NUTM1: variants seen among roughly 807,000 people sequenced by gnomAD.
NUTM1 encodes NUT family member 1.
Under a neutral mutation model 88.7 loss-of-function variants are expected in NUTM1, and 39 were observed. The ratio of observed to expected loss-of-function variants is 0.44; its 90% confidence interval spans 0.34 to 0.57. The LOEUF is 0.57. Ranked by LOEUF, NUTM1 falls within the 20% of genes least tolerant of loss-of-function variation. The pLI is 0.01. For missense variants in NUTM1, 1,350 were observed against 1,414.5 expected (o/e 0.95, Z 0.73); for synonymous variants, 494 against 538.0 (o/e 0.92, Z 1.13).
chr15:34,355,990 C>T lies in NUTM1; in HGVS notation c.1982C>T (p.Thr661Ile), dbSNP rs754655873. Residue 661 changes from threonine (T) to isoleucine (I), a missense_variant, in exon 8 of 8, where the codon ACT becomes ATT. Physicochemically the swap from Thr to Ile is moderately conservative, Grantham distance 89. Coordinates refer to ENST00000537011, the MANE Select transcript of NUTM1 (RefSeq NM_001284292.2). The surrounding 1 kb of genome is among the most constrained non-coding windows in gnomAD (Gnocchi z 4.3). ...CAGGGAGGCTTCCAGCCTGAGAGCA[C>T]TCCCAGTTTGGATGCTGGACTTGCA... is the stretch of plus-strand genomic sequence containing the variant. ...CWQGGFQPESTPSLDAGLAEL... is the reference protein window; with the variant it reads ...CWQGGFQPESIPSLDAGLAEL... 2 of 1,614,054 alleles carry T rather than the reference C, an allele frequency of 1.2e-6. No individual in the cohort carries two copies. The highest frequency in any genetic ancestry group is 2.7e-5 in the African/African-American group (2 of 74,928).
chr15:34,347,625 A>G (rs58934096), intron 2 of NUTM1, among the ~76,000 whole-genome samples: 19,611 of 152,082 alleles, frequency 0.13, 1,418 homozygotes, highest in East Asian at 0.33. Flanking sequence ...AGGCCGAAGC[A>G]GGCGGATCAC....
In NUTM1 at chr15:34,353,817, C is replaced by G; in HGVS notation, c.1020C>G (p.Thr340=). 1 of 1,614,128 alleles carries G rather than the reference C, an allele frequency of 6.2e-7. No individual in the cohort carries two copies. Among genetic ancestry groups the G allele is most frequent in the Non-Finnish European group, 8.5e-7 (1 of 1,180,042 alleles). Residue 340 remains threonine (T), a synonymous_variant, in exon 5 of 8, where the codon ACC becomes ACG. Coordinates refer to ENST00000537011, the MANE Select transcript of NUTM1 (RefSeq NM_001284292.2). ...MNGSQGLSPA[T]PLKLDPLGPL... ...GGTCTCAGGGCCTGTCTCCTGCAAC[C>G]CCTTTGAAACTTGATCCTCTAGGGC...
In NUTM1 at chr15:34,355,217, G is replaced by T; in HGVS notation, c.1479+80G>T. 1 of 981,870 alleles carries T rather than the reference G, an allele frequency of 1.0e-6. No individual in the cohort carries two copies. The highest frequency in any genetic ancestry group is 1.6e-6 in the Non-Finnish European group (1 of 618,272). The allele number at this position is 981,870 out of a possible 1,614,324, so 60.8% of individuals were successfully genotyped here. The stretch of plus-strand genomic sequence containing the variant: ...ACCCTACACTGTCGTGGGTGATATG[G>T]CTCTAGAGATGAACAGCTTCAGGAT... On this transcript the variant is annotated intron_variant, in intron 7 of 7. Transcript: ENST00000537011. This position sits in a 1 kb window ranked among gnomAD's most constrained non-coding sequence, Gnocchi z 4.3.
rs1324833347 is a variant in NUTM1 at position 34,355,978 on chromosome 15, A to C, written c.1970A>C (p.Gln657Pro). 4.3e-6 allele frequency: 7 copies of C among 1,614,056 alleles called. No individual in the cohort carries two copies. Among genetic ancestry groups the C allele is most frequent in the Non-Finnish European group, 5.9e-6 (7 of 1,180,024 alleles). Residue 657 changes from glutamine (Q) to proline (P), a missense_variant, in exon 8 of 8, where the codon CAG becomes CCG. By Grantham distance (76) the Gln-to-Pro change is moderately conservative. Coordinates refer to ENST00000537011, the MANE Select transcript of NUTM1 (RefSeq NM_001284292.2). The surrounding 1 kb of genome is among the most constrained non-coding windows in gnomAD (Gnocchi z 4.3). ...ALPLCWQGGFQPESTPSLDAG... is the reference protein window; with the variant it reads ...ALPLCWQGGFPPESTPSLDAG... ...CCCCTTTGTTGGCAGGGAGGCTTCC[A>C]GCCTGAGAGCACTCCCAGTTTGGAT...
In NUTM1 at chr15:34,348,652, A is replaced by G. The variant is rs773809319; in HGVS notation, c.784A>G (p.Thr262Ala). The G allele has an allele frequency of 1.2e-6, 2 of 1,606,218 alleles. No individual in the cohort carries two copies. The highest frequency in any genetic ancestry group is 3.3e-5 in the Admixed American group (2 of 60,000). Residue 262 changes from threonine to alanine, a missense_variant, in exon 3 of 8, where the codon ACA becomes GCA. By Grantham distance (58) the Thr-to-Ala change is moderately conservative. This residue lies in a region of NUTM1 where 399 missense variants were observed against 397.9 expected (regional missense o/e 1.00). Transcript: ENST00000537011. Reference sequence around the variant, plus strand: ...GAGGCACCTATCCCAGAGTCCTGACACAGAAGCTCTTTCCTGTTTTCTTAT... The same window carrying G: ...GAGGCACCTATCCCAGAGTCCTGACGCAGAAGCTCTTTCCTGTTTTCTTAT... ...ARRHLSQSPD[T>A]EALSCFLIPV...
Position 34,348,059 on chromosome 15 carries a change from AC to A in NUTM1, c.194del (p.Pro65HisfsTer25). On this transcript the variant is annotated frameshift_variant, in exon 3 of 8. Transcript: ENST00000537011. LOFTEE classifies it high-confidence loss of function. ...CTTCCCTTTCTCCCACCAACTTCTG[AC>A]CCACCAGACCACCCACCCAGGGAGC... is the stretch of plus-strand genomic sequence containing the variant. ...PALPFLPPTS[D>X]PPDHPPREPP... The A allele has an allele frequency of 1.2e-6, 2 of 1,613,830 alleles. No homozygotes were observed. The highest frequency in any genetic ancestry group is 1.7e-5 in the Admixed American group (1 of 59,992).
Position 34,356,389 on chromosome 15 carries a change from G to A in NUTM1, c.2381G>A (p.Gly794Asp). The change falls in exon 8 of 8, where the codon GGC becomes GAC. Residue 794 changes from glycine to aspartate, a missense_variant. Physicochemically the swap from Gly to Asp is moderately conservative, Grantham distance 94. Coordinates refer to ENST00000537011, the MANE Select transcript of NUTM1 (RefSeq NM_001284292.2). ...QEGCQGLGSR[G>D]NISLGPGETL... ...GGCTGCCAGGGACTGGGCTCCAGGG[G>A]CAACATTTCCCTGGGTCCTGGAGAA... is the stretch of plus-strand genomic sequence containing the variant. 2 of 1,612,712 alleles carry A rather than the reference G, an allele frequency of 1.2e-6. No individual in the cohort carries two copies. Among genetic ancestry groups the A allele is most frequent in the Non-Finnish European group, 1.7e-6 (2 of 1,179,400 alleles).
At chr15:34,351,884 A>AG (rs1326620975) in intron 4 of NUTM1, among the ~76,000 whole-genome samples, 2 of 151,072 alleles carry the variant, frequency 1.3e-5, no homozygotes, top group Non-Finnish European at 3.0e-5. Flanking sequence ...AAAAAAAAAA[A>AG]AAAAGGCTAG....
In NUTM1 at chr15:34,356,992, A is replaced by G. The variant is rs1290045756; in HGVS notation, c.2984A>G (p.His995Arg). 1 of 1,613,038 alleles carries G rather than the reference A, an allele frequency of 6.2e-7. No individual in the cohort carries two copies. The highest frequency in any genetic ancestry group is 8.5e-7 in the Non-Finnish European group (1 of 1,179,230). The change falls in exon 8 of 8, where the codon CAC becomes CGC. Residue 995 changes from histidine to arginine, a missense_variant. Coordinates refer to ENST00000537011, the MANE Select transcript of NUTM1 (RefSeq NM_001284292.2). ...GGGACTCCCAAAGCAACATCTTCTC[A>G]CCAGGGCCTTGGAAGCACTTTGCCT... ...TTGTPKATSSHQGLGSTLPRR... is the reference protein window; with the variant it reads ...TTGTPKATSSRQGLGSTLPRR...
At chr15:34,350,874 G>A in intron 4 of NUTM1, 42 bp downstream of exon 4, 1 of 1,612,446 alleles carries the variant, frequency 6.2e-7, no homozygotes, top group Non-Finnish European at 8.5e-7. Flanking sequence ...GAGGCTGTGT[G>A]GCTGAGAGCA....
At position 34,357,594 on chromosome 15, in the gene NUTM1, A is replaced by C. The variant is rs184359600; in HGVS notation, c.*103A>C. The C allele has an allele frequency of 4.0e-4, 643 of 1,596,334 alleles. 6 individuals are homozygous for C. In the African/African-American group the frequency reaches 7.3e-3, roughly 18 times the overall value. Reference sequence around the variant, plus strand: ...CACCAATGGAGAATCCCAATGTTGAATCTCATCCCAATGTTGTTTTGTTGT... The same window carrying C: ...CACCAATGGAGAATCCCAATGTTGACTCTCATCCCAATGTTGTTTTGTTGT... On this transcript the variant is annotated 3_prime_UTR_variant, in exon 8 of 8. Coordinates refer to ENST00000537011, the MANE Select transcript of NUTM1 (RefSeq NM_001284292.2).
Position 34,357,490 on chromosome 15 carries a change from A to G in NUTM1, c.3482A>G (p.Ter1161TrpextTer20). Residue 1161 changes from the stop codon to tryptophan, a stop_lost, in exon 8 of 8, where the codon TAG becomes TGG. Transcript: ENST00000537011. ...AGGAAGAAACGACGTCGTAGCCAGT[A>G]GGGAGCAGCGGGACCATCTGACCCC... ...GRRKKRRRSQ* is the reference protein window; with the variant it reads ...GRRKKRRRSQW 1 of 1,612,874 alleles carries G rather than the reference A, an allele frequency of 6.2e-7. No homozygotes were observed. Among genetic ancestry groups the G allele is most frequent in the South Asian group, 1.1e-5 (1 of 90,926 alleles).
At chr15:34,350,459 T>C (rs956219196) in intron 3 of NUTM1, among the ~76,000 whole-genome samples, 1 of 152,012 alleles carries the variant, frequency 6.6e-6, no homozygotes, top group Non-Finnish European at 1.5e-5. Flanking sequence ...TTTTAAAAGG[T>C]GGGGAGAAGA....
Position 34,356,278 on chromosome 15 carries a change from A to T in NUTM1, c.2270A>T (p.Asp757Val). Residue 757 changes from aspartate (D) to valine (V), a missense_variant, in exon 8 of 8, where the codon GAT becomes GTT. Physicochemically the swap from Asp to Val is radical, Grantham distance 152 (BLOSUM62 -3). Transcript: ENST00000537011. ...GGAGTTTGGCTGAGCAGTGAGATGG[A>T]TGCTGTAGGCTTGGAGCTGCCTGTA... ...SPGVWLSSEM[D>V]AVGLELPVQI... is the part of the protein sequence containing the mutation. 6.2e-7 allele frequency: 1 copy of T among 1,612,736 alleles called. No homozygotes were observed. Among genetic ancestry groups the T allele is most frequent in the Non-Finnish European group, 8.5e-7 (1 of 1,179,336 alleles).
chr15:34,354,310 C>T, intron 5 of NUTM1, 136 bp from the exon 6 acceptor site: 1 of 997,972 alleles, frequency 1.0e-6, no homozygotes, highest in African/African-American at 1.6e-5. Flanking sequence ...GCTTACAGAG[C>T]TGGGAGGCAG....
In NUTM1 at chr15:34,355,206, T is replaced by C; in HGVS notation, c.1479+69T>C. On this transcript the variant is annotated intron_variant, in intron 7 of 7. Transcript: ENST00000537011. The surrounding 1 kb of genome is among the most constrained non-coding windows in gnomAD (Gnocchi z 4.3). ...GATTTTATCTAACCCTACACTGTCG[T>C]GGGTGATATGGCTCTAGAGATGAAC... The C allele has an allele frequency of 9.6e-7, 1 of 1,042,292 alleles. No individual in the cohort carries two copies. Among genetic ancestry groups the C allele is most frequent in the Non-Finnish European group, 1.5e-6 (1 of 666,318 alleles). 64.6% of individuals were successfully genotyped at this position (1,042,292 alleles called of 1,614,324 possible).
At position 34,343,534 on chromosome 15, in the gene NUTM1, C is replaced by G. The variant is rs1045335909; in HGVS notation, c.-163C>G. ...CTCCCCTCTTTTACATCCAGTTCCCCTGCTCCATTTCAAAGCGTTGGCGGT... is the reference window on the plus strand; with the variant it reads ...CTCCCCTCTTTTACATCCAGTTCCCGTGCTCCATTTCAAAGCGTTGGCGGT... On this transcript the variant is annotated 5_prime_UTR_variant, in exon 1 of 8. Coordinates refer to ENST00000537011, the MANE Select transcript of NUTM1 (RefSeq NM_001284292.2). 1 of 1,500,788 alleles carries G rather than the reference C, an allele frequency of 6.7e-7. No homozygotes were observed. The highest frequency in any genetic ancestry group is 1.4e-5 in the African/African-American group (1 of 72,298). 93.0% of individuals were successfully genotyped at this position (1,500,788 alleles called of 1,614,324 possible). A position where few individuals can be genotyped will look rare whatever the true frequency, so the allele number is the denominator to read the frequency against.
At position 34,355,036 on chromosome 15, in the gene NUTM1, C is replaced by T; in HGVS notation, c.1378C>T (p.His460Tyr). The change falls in exon 7 of 8, where the codon CAC becomes TAC. Residue 460 changes from histidine to tyrosine, a missense_variant. Transcript: ENST00000537011. The surrounding 1 kb of genome is among the most constrained non-coding windows in gnomAD (Gnocchi z 4.3). Reference sequence around the variant, plus strand: ...TGTTATCCAGGTGGAGGCTGTCATTCACCCTCAATTTCTGGCAGATCTGCT... The same window carrying T: ...TGTTATCCAGGTGGAGGCTGTCATTTACCCTCAATTTCTGGCAGATCTGCT... The part of the protein sequence containing the change: ...VFVSKVEAVI[H>Y]PQFLADLLSP... 6.2e-7 allele frequency: 1 copy of T among 1,613,160 alleles called. No homozygotes were observed. Among genetic ancestry groups the T allele is most frequent in the Non-Finnish European group, 8.5e-7 (1 of 1,179,078 alleles).
chr15:34,354,881 G>A, intron 6 of NUTM1, 140 bp from the exon 7 acceptor site: 1 of 1,013,606 alleles, frequency 9.9e-7, no homozygotes. Flanking sequence ...ATGAGAATGT[G>A]TGTAGCCGGT....
Sources: gnomAD v4.1 joint callset for allele counts (sites outside exome capture counted in the v4.1 genomes callset) on GRCh38, gnomAD v4.1.1 for gene constraint, gnomAD v4.1.1 regional missense constraint, Gnocchi (gnomAD v3.1) non-coding constraint, MANE v1.5 for transcripts, NCBI Gene and HGNC (gene_info 2026-07-23, HGNC 2026-07-21) for gene names.